Variants in MARCHF1 observed in about 807,000 individuals in gnomAD.
MARCHF1 encodes membrane associated ring-CH-type finger 1.
Under a neutral mutation model 54.2 loss-of-function variants are expected in MARCHF1, and 40 were observed. The observed-to-expected ratio is 0.74, with a 90% CI of 0.57 to 0.96. The LOEUF is 0.96. Among genes scored for constraint, MARCHF1 ranks in the 40% least tolerant of loss-of-function variants. The probability of loss-of-function intolerance (pLI) is 0.00; values close to 1 mark genes in which losing one functional copy is unlikely to be tolerated. For missense variants in MARCHF1, 586 were observed against 656.5 expected (o/e 0.89, Z 1.17); for synonymous variants, 236 against 236.3 (o/e 1.00, Z 0.01).
chr4:163,935,080 A>G (rs191183242), intron 3 of MARCHF1, among the ~76,000 whole-genome samples: 34 of 152,252 alleles, frequency 2.2e-4, no homozygotes, highest in African/African-American at 6.5e-4. Context: ...TACAAACAAC[A>G]TTCATCTCCT....
At chr4:164,002,153 T>A (rs542327695) in intron 2 of MARCHF1, among the ~76,000 whole-genome samples, 6 of 151,604 alleles carry the variant, frequency 4.0e-5, no homozygotes, top group Admixed American at 6.6e-5. Context: ...AAAATCCAGA[T>A]TCTCAACAAC....
rs145958601 is a variant in MARCHF1 at position 164,207,034 on chromosome 4, G to A, written c.-322-95372C>T. Among the ~76,000 whole-genome samples the A allele has an allele frequency of 4.0e-3, 605 of 152,190 alleles. 2 individuals are homozygous for A. The highest frequency in any genetic ancestry group is 0.014 in the African/African-American group (573 of 41,528). On this transcript the variant is annotated intron_variant, in intron 1 of 9. Transcript: ENST00000514618. ...GGGATATTGACTGAGAATTTACTAC[G>A]ATGTAGGCACTGCTCTAAGCATTTA... is the stretch of plus-strand genomic sequence containing the variant.
intron 4 of MARCHF1, among the ~76,000 whole-genome samples, chr4:163,785,436 T>C (rs922711288): frequency 3.3e-5 from 5 of 152,032 alleles, no homozygotes; most frequent in African/African-American, 1.2e-4. Context: ...CTAATATAGA[T>C]GTTGTTGAAT....
At chr4:163,600,327 G>A (rs1254334730) in intron 7 of MARCHF1, among the ~76,000 whole-genome samples, 9 of 152,034 alleles carry the variant, frequency 5.9e-5, no homozygotes, top group Non-Finnish European at 2.9e-5. Flanking sequence ...AAATTATCTG[G>A]CATGCTTCTA....
At chr4:164,091,532 A>C (rs1035695607) in intron 2 of MARCHF1, among the ~76,000 whole-genome samples, 17 of 151,396 alleles carry the variant, frequency 1.1e-4, no homozygotes, top group Non-Finnish European at 2.2e-4. Context: ...GGTGAGTTAA[A>C]GAAAAATGCA....
chr4:163,840,450 G>C (rs1036917589), intron 4 of MARCHF1, among the ~76,000 whole-genome samples: 3 of 152,048 alleles, frequency 2.0e-5, no homozygotes, highest in Non-Finnish European at 4.4e-5. Context: ...TGGGTATATT[G>C]TGTGATGCTG....
At chr4:163,717,672 T>C (rs971160778) in intron 4 of MARCHF1, among the ~76,000 whole-genome samples, 17 of 152,196 alleles carry the variant, frequency 1.1e-4, no homozygotes, top group African/African-American at 4.1e-4. Flanking sequence ...TTTCCTGACT[T>C]TTTAACGACC....
In MARCHF1 at chr4:164,341,131, GATC is replaced by G. The variant is rs570347394; in HGVS notation, c.-323+42736_-323+42738del. On this transcript the variant is annotated intron_variant, in intron 1 of 9. Transcript: ENST00000514618. ...AAAGAATGAATAATAAAAATCATTT[GATC>G]ATCTCAAAAGATGCAGAGAAAGTAT... Among the ~76,000 whole-genome samples, 30 of 152,188 alleles carry G rather than the reference GATC, an allele frequency of 2.0e-4. No homozygotes were observed. In the South Asian group the frequency reaches 5.2e-3, roughly 26 times the overall value.
At chr4:163,788,834 G>A (rs1219407225) in intron 4 of MARCHF1, among the ~76,000 whole-genome samples, 3 of 152,002 alleles carry the variant, frequency 2.0e-5, no homozygotes, top group Non-Finnish European at 4.4e-5. Flanking sequence ...GAGTAGGGAC[G>A]TAAGTTTGCC....
chr4:164,022,913 T>C (rs1753694722), intron 2 of MARCHF1, among the ~76,000 whole-genome samples: 1 of 152,214 alleles, frequency 6.6e-6, no homozygotes, highest in Non-Finnish European at 1.5e-5. Context: ...CCTGGGTATT[T>C]TGCTCTACCC....
rs1732242953 is a variant in MARCHF1 at position 164,226,044 on chromosome 4, A to G, written c.-322-114382T>C. 2.0e-5 allele frequency among the ~76,000 whole-genome samples: 3 copies of G among 151,718 alleles called. No individual in the cohort carries two copies. In the South Asian group the frequency reaches 6.3e-4, roughly 32 times the overall value. ...CTGCAGGAAGAATTTTACACAATCA[A>G]CTCGCCTTCACCATTTATGATCTTC... On this transcript the variant is annotated intron_variant, in intron 1 of 9. Coordinates refer to ENST00000514618, the MANE Select transcript of MARCHF1 (RefSeq NM_001394959.1).
rs143940678 is a variant in MARCHF1, at chr4:164,135,953, G to T, written c.-322-24291C>A. Among the ~76,000 whole-genome samples the T allele has an allele frequency of 9.2e-5, 14 of 152,178 alleles. No homozygotes were observed. The East Asian group carries it at 2.7e-3, about 29-fold the overall frequency. On this transcript the variant is annotated intron_variant, in intron 1 of 9. Coordinates refer to ENST00000514618, the MANE Select transcript of MARCHF1 (RefSeq NM_001394959.1). ...AAAGGTAAATATTTTTTATACTTAA[G>T]CCCTAGAATAATAACTTTAGAAACT...
At chr4:164,135,902 G>A (rs944029555) in intron 1 of MARCHF1, among the ~76,000 whole-genome samples, 2 of 152,022 alleles carry the variant, frequency 1.3e-5, no homozygotes. Context: ...TCCACTTCAG[G>A]GGGATCTAGA....
chr4:163,900,190 C>T (rs770131746), intron 3 of MARCHF1, among the ~76,000 whole-genome samples: 1 of 152,114 alleles, frequency 6.6e-6, no homozygotes, highest in Non-Finnish European at 1.5e-5. Flanking sequence ...TGAAAAATCT[C>T]ACATTCAGAA....
chr4:164,108,801 A>G (rs908324081), intron 2 of MARCHF1, among the ~76,000 whole-genome samples: 13 of 152,118 alleles, frequency 8.5e-5, no homozygotes, highest in African/African-American at 3.1e-4. Flanking sequence ...TTAAAATACA[A>G]GAAAAATAGT....
At chr4:164,232,871 A>G (rs903828493) in intron 1 of MARCHF1, among the ~76,000 whole-genome samples, 2 of 152,194 alleles carry the variant, frequency 1.3e-5, no homozygotes, top group South Asian at 2.1e-4. Flanking sequence ...ACAGAAACCT[A>G]TAGACACGTG....
intron 1 of MARCHF1, among the ~76,000 whole-genome samples, chr4:164,244,459 T>C (rs1732876805): frequency 2.0e-5 from 3 of 146,736 alleles, no homozygotes; most frequent in Admixed American, 2.0e-4. Flanking sequence ...TTCAAAGCAG[T>C]GTGTAGAGGG....
chr4:163,799,679 T>C (rs1162134183), intron 4 of MARCHF1, among the ~76,000 whole-genome samples: 1 of 152,140 alleles, frequency 6.6e-6, no homozygotes, highest in Non-Finnish European at 1.5e-5. Flanking sequence ...CCATTATTTT[T>C]TTCCTTAATG....
intron 4 of MARCHF1, among the ~76,000 whole-genome samples, chr4:163,723,946 T>C (rs141989080): frequency 0.03 from 4,576 of 152,292 alleles, 91 homozygotes; most frequent in East Asian, 0.077. Flanking sequence ...TCAAGGTTTT[T>C]AGCTTCTTTG....
Sources: gnomAD v4.1 joint callset for allele counts (sites outside exome capture counted in the v4.1 genomes callset) on GRCh38, gnomAD v4.1.1 for gene constraint, MANE v1.5 for transcripts, NCBI Gene and HGNC (gene_info 2026-07-23, HGNC 2026-07-21) for gene names.